The following PREP variants were observed in gnomAD, a reference collection of about 807,000 sequenced individuals.
PREP encodes dJ355L5.1 (prolyl endopeptidase).
In PREP, 29 loss-of-function variants were observed where a neutral mutation model predicts 87.6. That is an observed-to-expected ratio of 0.33 (90% CI 0.25 to 0.45). The LOEUF (loss-of-function observed/expected upper bound fraction) is 0.45. PREP is among the 20% of genes least tolerant of loss of function. The pLI is 1.00. For missense variants in PREP, 695 were observed against 886.5 expected (o/e 0.78, Z 2.74); for synonymous variants, 337 against 328.6 (o/e 1.03, Z -0.28).
intron 10 of PREP, among the ~76,000 whole-genome samples, chr6:105,319,626 T>C (rs1770953731): frequency 6.6e-6 from 1 of 152,220 alleles, no homozygotes; most frequent in Non-Finnish European, 1.5e-5. Flanking sequence ...TTGAATTTAC[T>C]GTAACAAAAA....
At chr6:105,310,111 T>C (rs1653205615) in intron 10 of PREP, among the ~76,000 whole-genome samples, 1 of 152,150 alleles carries the variant, frequency 6.6e-6, no homozygotes, top group Non-Finnish European at 1.5e-5. Context: ...AACATCAAAT[T>C]TGAAAAGTAA....
In PREP at chr6:105,276,308, T is replaced by A. The variant is rs1050491047; in HGVS notation, c.*1836A>T. On this transcript the variant is annotated 3_prime_UTR_variant, in exon 15 of 15. Transcript: ENST00000652536. ...TCCTCATCAGTTGCTAAGTGACATT[T>A]GGGATTTGAACCCAGTCCTGATATC... is the stretch of plus-strand genomic sequence containing the variant. Among the ~76,000 whole-genome samples the A allele has an allele frequency of 6.6e-6, 1 of 152,218 alleles. No homozygotes were observed. Among genetic ancestry groups the A allele is most frequent in the Non-Finnish European group, 1.5e-5 (1 of 68,020 alleles).
intron 3 of PREP, among the ~76,000 whole-genome samples, 189 bp from the exon 4 acceptor site, chr6:105,376,444 C>T (rs1772689369): frequency 6.6e-6 from 1 of 152,156 alleles, no homozygotes. Flanking sequence ...AGCTTGTTAA[C>T]AGAATTGCTT....
chr6:105,376,164 G>C lies in PREP; in HGVS notation c.346C>G (p.Pro116Ala). ...LEGEARVFLD[P>A]NILSDDGTVA... ...GTGCCATCGTCAGACAGTATGTTGG[G>C]GTCCAGGAACACTCTGGCCTCACCC... Residue 116 changes from proline to alanine, a missense_variant, in exon 4 of 15, where the codon CCC (proline) becomes GCC (alanine). Pro to Ala is a conservative substitution (Grantham distance 27). Around this residue, in one of 5 missense-constraint regions of PREP, gnomAD observed 517 missense variants for 620.3 expected, o/e 0.83. Transcript: ENST00000652536. The C allele has an allele frequency of 6.2e-7, 1 of 1,613,738 alleles. No individual in the cohort carries two copies. The highest frequency in any genetic ancestry group is 1.3e-5 in the African/African-American group (1 of 74,978).
chr6:105,302,419 T>C, intron 10 of PREP: 1 of 229,214 alleles, frequency 4.4e-6, no homozygotes, highest in Non-Finnish European at 8.8e-6. Flanking sequence ...TTTTGTTCTC[T>C]TCGGCCAGCT....
chr6:105,396,076 C>T (rs1773279506), intron 2 of PREP, among the ~76,000 whole-genome samples: 1 of 152,212 alleles, frequency 6.6e-6, no homozygotes, highest in Non-Finnish European at 1.5e-5. Flanking sequence ...CTTCACCATT[C>T]CTAAAGATAC....
intron 10 of PREP, among the ~76,000 whole-genome samples, chr6:105,317,619 C>T (rs1378647266): frequency 6.6e-6 from 1 of 152,164 alleles, no homozygotes; most frequent in East Asian, 1.9e-4. Flanking sequence ...TCGTGCCATG[C>T]TTCCATTCCA....
At chr6:105,374,235 C>CTAA (rs1172518394) in intron 4 of PREP, among the ~76,000 whole-genome samples, 3 of 152,108 alleles carry the variant, frequency 2.0e-5, no homozygotes, top group African/African-American at 7.2e-5. Flanking sequence ...ATGTACAGTC[C>CTAA]TTTAGGGCCC....
intron 10 of PREP, chr6:105,299,033 G>T (rs1254677720): frequency 6.6e-6 from 1 of 152,320 alleles, no homozygotes; most frequent in African/African-American, 2.4e-5. Flanking sequence ...GCACCGCAAG[G>T]CTGTAAGGAA....
chr6:105,368,991 A>G lies in PREP; in HGVS notation c.629T>C (p.Leu210Pro), dbSNP rs1772469325. The G allele has an allele frequency of 1.9e-6, 3 of 1,614,008 alleles. No homozygotes were observed. The highest frequency in any genetic ancestry group is 2.5e-6 in the Non-Finnish European group (3 of 1,179,908). The change falls in exon 6 of 15, where the codon CTC becomes CCC. Residue 210 changes from leucine to proline, a missense_variant. This residue lies in a region of PREP where 517 missense variants were observed against 620.3 expected (regional missense o/e 0.83). Transcript: ENST00000652536. Reference protein sequence around the residue: ...TETSTNLHQKLYYHVLGTDQS... With the variant: ...TETSTNLHQKPYYHVLGTDQS... ...ATCGGTTCCCAAGACATGGTAGTAG[A>G]GCTTTTGGTGGAGATTGGTAGATGT...
chr6:105,308,926 G>A (rs1364922087), intron 10 of PREP, among the ~76,000 whole-genome samples: 1 of 152,110 alleles, frequency 6.6e-6, no homozygotes, highest in African/African-American at 2.4e-5. Context: ...ACAGGATGGA[G>A]AGCGAAGGAG....
At chr6:105,362,039 A>G (rs1179628231) in intron 6 of PREP, among the ~76,000 whole-genome samples, 1 of 152,260 alleles carries the variant, frequency 6.6e-6, no homozygotes, top group East Asian at 1.9e-4. Context: ...AGAAACTGAT[A>G]AAACAGAAAA....
At chr6:105,321,335 T>C (rs1771001333) in intron 10 of PREP, among the ~76,000 whole-genome samples, 1 of 152,338 alleles carries the variant, frequency 6.6e-6, no homozygotes, top group Non-Finnish European at 1.5e-5. Context: ...ACTGTAAGTA[T>C]TTAAGAGGCT....
At chr6:105,292,584 G>A (rs1319194095) in intron 10 of PREP, among the ~76,000 whole-genome samples, 1 of 152,164 alleles carries the variant, frequency 6.6e-6, no homozygotes, top group Non-Finnish European at 1.5e-5. Flanking sequence ...TAAGGGCCCT[G>A]GGATTTTCAG....
At chr6:105,349,898 TAAAAAAA>T (rs1162063177) in intron 7 of PREP, among the ~76,000 whole-genome samples, 6 of 59,456 alleles carry the variant, frequency 1.0e-4, no homozygotes, top group African/African-American at 2.6e-4. Flanking sequence ...GGGAAGCAGG[TAAAAAAA>T]AAAAAAAAAA....
intron 10 of PREP, among the ~76,000 whole-genome samples, chr6:105,300,950 AATT>A (rs1477981751): frequency 6.6e-6 from 1 of 152,258 alleles, no homozygotes; most frequent in African/African-American, 2.4e-5. Context: ...TCTCTCTTGA[AATT>A]ATTATTCTCC....
intron 10 of PREP, among the ~76,000 whole-genome samples, chr6:105,300,671 A>C (rs6933369): frequency 2.0e-5 from 3 of 152,224 alleles, no homozygotes; most frequent in African/African-American, 7.2e-5. Flanking sequence ...TATAAAGTAC[A>C]TAAGTCTAAA....
intron 10 of PREP, among the ~76,000 whole-genome samples, chr6:105,295,821 C>G (rs1269980588): frequency 6.6e-6 from 1 of 152,148 alleles, no homozygotes; most frequent in Non-Finnish European, 1.5e-5. Flanking sequence ...GTAAAACACC[C>G]AGATTTATCT....
intron 7 of PREP, among the ~76,000 whole-genome samples, chr6:105,340,083 A>G (rs1163283464): frequency 1.3e-5 from 2 of 150,454 alleles, no homozygotes; most frequent in East Asian, 1.9e-4. Context: ...TCCAAGGCAC[A>G]TAATTATCAG....
Sources: allele counts gnomAD v4.1 joint callset (sites outside exome capture counted in the v4.1 genomes callset), GRCh38; gene constraint gnomAD v4.1.1; regional missense constraint gnomAD v4.1.1; transcripts MANE v1.5; gene names NCBI Gene and HGNC (gene_info 2026-07-23, HGNC 2026-07-21).